Variants in PRICKLE1 observed in about 807,000 individuals in gnomAD.
PRICKLE1 encodes prickle-like protein 1.
In PRICKLE1, 14 loss-of-function variants were observed where a neutral mutation model predicts 70.2. The ratio of observed to expected loss-of-function variants is 0.20; its 90% CI spans 0.13 to 0.31. The LOEUF is 0.31. PRICKLE1 is among the 10% of genes least tolerant of loss of function. The probability of loss-of-function intolerance (pLI) is 1.00; values close to 1 mark genes in which losing one functional copy is unlikely to be tolerated. For missense variants in PRICKLE1, 821 were observed against 1,026.2 expected (o/e 0.80, Z 2.73); for synonymous variants, 357 against 379.9 (o/e 0.94, Z 0.70).
At chr12:42,516,469 T>C (rs1318335266) in intron 1 of PRICKLE1, among the ~76,000 whole-genome samples, 1 of 152,214 alleles carries the variant, frequency 6.6e-6, no homozygotes, top group Non-Finnish European at 1.5e-5. Flanking sequence ...AGTTCCTGTG[T>C]CCATGAAGGT....
In PRICKLE1 at chr12:42,459,847, T is replaced by G. The variant is rs1342604313; in HGVS notation, c.2458A>C (p.Lys820Gln). 6.2e-7 allele frequency: 1 copy of G among 1,614,208 alleles called. No homozygotes were observed. Among genetic ancestry groups the G allele is most frequent in the East Asian group, 2.2e-5 (1 of 44,878 alleles). The change falls in exon 8 of 8, where the codon AAA (lysine) becomes CAA (glutamine). Residue 820 changes from lysine to glutamine, a missense_variant. By Grantham distance (53) the Lys-to-Gln change is moderately conservative. Transcript: ENST00000345127. ...CAATTTTTGCCCTTGTGTCCCTTTT[T>G]CTTCTTGGATTTTGTTGTCCTCTGA... is the stretch of plus-strand genomic sequence containing the variant. ...FGQRTTKSKK[K>Q]KGHKGKNCII...
At chr12:42,467,309 G>A (rs942246434) in intron 5 of PRICKLE1, among the ~76,000 whole-genome samples, 6 of 152,078 alleles carry the variant, frequency 3.9e-5, no homozygotes, top group Non-Finnish European at 7.4e-5. Context: ...TAGAGACGGG[G>A]TTTCACCATG....
In PRICKLE1 at chr12:42,464,731, T is replaced by C; in HGVS notation, c.1303A>G (p.Met435Val). 1 of 1,614,128 alleles carries C rather than the reference T, an allele frequency of 6.2e-7. No homozygotes were observed. The highest frequency in any genetic ancestry group is 8.5e-7 in the Non-Finnish European group (1 of 1,180,018). Residue 435 changes from methionine to valine, a missense_variant, in exon 7 of 8, where the codon ATG becomes GTG. Met to Val is a conservative substitution (Grantham distance 21). Coordinates refer to ENST00000345127, the MANE Select transcript of PRICKLE1 (RefSeq NM_153026.3). The surrounding 1 kb of genome is among the most constrained non-coding windows in gnomAD (Gnocchi z 4.2). ...CAGTGCTCACTGGCTCGAATATCCA[T>C]CTCATTGGGCTGTGGCTGAAAGAGG... ...KSLFQPQPNE[M>V]DIRASEHWIS...
chr12:42,549,619 C>T (rs1346427769), intron 1 of PRICKLE1, among the ~76,000 whole-genome samples: 1 of 152,154 alleles, frequency 6.6e-6, no homozygotes, highest in Non-Finnish European at 1.5e-5. Context: ...ACCTACAAGT[C>T]CCCATAGACC....
At chr12:42,563,702 CAA>C (rs11367725) in intron 1 of PRICKLE1, among the ~76,000 whole-genome samples, 8,154 of 44,868 alleles carry the variant, frequency 0.18, 61 homozygotes, top group African/African-American at 0.24. Flanking sequence ...GACTCTGTCT[CAA>C]AAAAAAAAAA....
At chr12:42,470,439 C>A in intron 2 of PRICKLE1, 80 bp from the exon 3 acceptor site, 1 of 993,410 alleles carries the variant, frequency 1.0e-6, no homozygotes, top group East Asian at 2.4e-5. Context: ...AGTTACCTTT[C>A]CCTAGGTACA....
At chr12:42,482,440 A>G (rs1329300337) in intron 1 of PRICKLE1, among the ~76,000 whole-genome samples, 1 of 152,204 alleles carries the variant, frequency 6.6e-6, no homozygotes, top group African/African-American at 2.4e-5. Context: ...TATTTTCTCA[A>G]AATCGTGTTC....
chr12:42,506,556 T>C (rs2600939), intron 1 of PRICKLE1, among the ~76,000 whole-genome samples: 22,253 of 133,116 alleles, frequency 0.17, 2,583 homozygotes, highest in African/African-American at 0.31. Context: ...CGCGCCCAGC[T>C]CAATAGTGTT....
intron 1 of PRICKLE1, among the ~76,000 whole-genome samples, chr12:42,544,871 G>A (rs1269684475): frequency 6.6e-6 from 1 of 152,096 alleles, no homozygotes; most frequent in Non-Finnish European, 1.5e-5. Flanking sequence ...TACCACAGTT[G>A]ATTTTACAAC....
In PRICKLE1 at chr12:42,465,500, A is replaced by C. The variant is rs1448727610; in HGVS notation, c.776-242T>G. The C allele has an allele frequency of 2.4e-5, 13 of 533,088 alleles. No homozygotes were observed. In the Admixed American group the frequency reaches 2.8e-4, roughly 11 times the overall value. The allele number at this position is 533,088 out of a possible 1,614,324, so 33.0% of individuals were successfully genotyped here. ...GTTTCATGGTCATTCGCAGATGTGC[A>C]GAGTGGTAAAAATACGAACTGAACC... On this transcript the variant is annotated intron_variant, in intron 6 of 7. Coordinates refer to ENST00000345127, the MANE Select transcript of PRICKLE1 (RefSeq NM_153026.3).
intron 1 of PRICKLE1, among the ~76,000 whole-genome samples, chr12:42,566,290 A>T (rs1940620185): frequency 6.6e-6 from 1 of 152,124 alleles, no homozygotes; most frequent in Non-Finnish European, 1.5e-5. Context: ...TGAATGTGAA[A>T]ATGAGAACAG....
chr12:42,554,358 T>TA (rs1218078782), intron 1 of PRICKLE1, among the ~76,000 whole-genome samples: 1 of 152,162 alleles, frequency 6.6e-6, no homozygotes, highest in Non-Finnish European at 1.5e-5. Context: ...AAGGAAAAAG[T>TA]AAAATAACCC....
intron 7 of PRICKLE1, among the ~76,000 whole-genome samples, chr12:42,462,712 G>GCAGCTA (rs1456780598): frequency 2.6e-5 from 4 of 152,120 alleles, no homozygotes; most frequent in African/African-American, 9.7e-5. Flanking sequence ...CTGGCAGGAA[G>GCAGCTA]CAGCTACTAA....
chr12:42,487,861 C>A (rs995195876), intron 1 of PRICKLE1, among the ~76,000 whole-genome samples: 1 of 152,122 alleles, frequency 6.6e-6, no homozygotes, highest in African/African-American at 2.4e-5. Flanking sequence ...GCCTGGCCAG[C>A]ATGATGAAAC....
At chr12:42,536,161 T>C (rs1940014028) in intron 1 of PRICKLE1, among the ~76,000 whole-genome samples, 1 of 152,190 alleles carries the variant, frequency 6.6e-6, no homozygotes, top group Non-Finnish European at 1.5e-5. Context: ...GATGAAAAGA[T>C]CAGCATCTGT....
intron 1 of PRICKLE1, among the ~76,000 whole-genome samples, chr12:42,511,406 T>TAA (rs1481356904): frequency 6.6e-6 from 1 of 152,114 alleles, no homozygotes; most frequent in African/African-American, 2.4e-5. Context: ...CAGATGTGGA[T>TAA]AAAAATAAGA....
chr12:42,579,670 C>A (rs1940865565), intron 1 of PRICKLE1, among the ~76,000 whole-genome samples: 1 of 152,128 alleles, frequency 6.6e-6, no homozygotes, highest in East Asian at 1.9e-4. Flanking sequence ...GCTGATTTTG[C>A]CACTGGCCAC....
In PRICKLE1 at chr12:42,497,603, A is replaced by T. The variant is rs190231486; in HGVS notation, c.-48-25039T>A. ...TTGCCATCTTATATGGGCACAGTTCATGGTGCCCCAAAACAATTAAAATAG... is the reference window on the plus strand; with the variant it reads ...TTGCCATCTTATATGGGCACAGTTCTTGGTGCCCCAAAACAATTAAAATAG... On this transcript the variant is annotated intron_variant, in intron 1 of 7. Coordinates refer to ENST00000345127, the MANE Select transcript of PRICKLE1 (RefSeq NM_153026.3). 1.2e-3 allele frequency among the ~76,000 whole-genome samples: 177 copies of T among 152,168 alleles called. 1 individual carries two copies. Among genetic ancestry groups the T allele is most frequent in the African/African-American group, 4.0e-3 (166 of 41,510 alleles).
intron 1 of PRICKLE1, among the ~76,000 whole-genome samples, chr12:42,575,749 T>C (rs1460316845): frequency 6.6e-6 from 1 of 152,106 alleles, no homozygotes; most frequent in African/African-American, 2.4e-5. Flanking sequence ...ATAACGCTTG[T>C]CTAATGTTTC....
Sources: gnomAD v4.1 joint callset for allele counts (sites outside exome capture counted in the v4.1 genomes callset) on GRCh38, gnomAD v4.1.1 for gene constraint, Gnocchi (gnomAD v3.1) non-coding constraint, MANE v1.5 for transcripts, NCBI Gene and HGNC (gene_info 2026-07-23, HGNC 2026-07-21) for gene names.